The following CPNE4 variants were observed in gnomAD, a reference collection of about 807,000 sequenced individuals.
CPNE4 encodes the protein copine 4.
Under a neutral mutation model 67.9 loss-of-function variants are expected in CPNE4, and 25 were observed. That is an observed-to-expected ratio of 0.37 (90% CI 0.27 to 0.51). The LOEUF (loss-of-function observed/expected upper bound fraction) is 0.51, where lower values mean the gene tolerates loss of function less well. Ranked by LOEUF, CPNE4 falls within the 20% of genes least tolerant of loss-of-function variation. The pLI, the probability that CPNE4 is intolerant of heterozygous loss-of-function variation, is 0.93. For synonymous variants in CPNE4, 242 were observed against 244.9 expected (o/e 0.99, Z 0.11); for missense variants, 464 against 690.8 (o/e 0.67, Z 3.68).
chr3:132,022,567 CA>C (rs764015160), intron 1 of CPNE4, among the ~76,000 whole-genome samples: 1,865 of 38,868 alleles, frequency 0.048, 35 homozygotes, highest in African/African-American at 0.14. Flanking sequence ...AGATGCTATA[CA>C]AAAAAAAAAT....
intron 1 of CPNE4, among the ~76,000 whole-genome samples, chr3:131,962,031 G>A (rs1213959258): frequency 6.6e-6 from 1 of 152,104 alleles, no homozygotes; most frequent in Non-Finnish European, 1.5e-5. Context: ...ACATTTTTGA[G>A]TGCCTAAAAA....
intron 1 of CPNE4, among the ~76,000 whole-genome samples, chr3:132,027,332 T>C (rs963308109): frequency 2.0e-5 from 3 of 152,194 alleles, no homozygotes; most frequent in Non-Finnish European, 4.4e-5. Flanking sequence ...TCTTTTTTCT[T>C]ATCTGGAAAA....
Position 131,542,743 on chromosome 3 carries a change from G to A in CPNE4, c.1353C>T (p.Ala451=), listed in dbSNP as rs141568154. 3.5e-5 allele frequency: 57 copies of A among 1,613,932 alleles called. No homozygotes were observed. The African/African-American group carries it at 5.5e-4, about 15-fold the overall frequency. Reference sequence around the variant, plus strand: ...CATGGACAATGGCCTCCCGGGTGTCGGCCATGTCTGTGATAACACCATCTG... The same window carrying A: ...CATGGACAATGGCCTCCCGGGTGTCAGCCATGTCTGTGATAACACCATCTG... ...ILTDGVITDM[A]DTREAIVHAS... Residue 451 remains alanine (A), a synonymous_variant, in exon 15 of 16, where the codon GCC becomes GCT. Coordinates refer to ENST00000429747, the MANE Select transcript of CPNE4 (RefSeq NM_130808.3).
intron 1 of CPNE4, among the ~76,000 whole-genome samples, chr3:131,993,183 A>G: frequency 7.4e-6 from 1 of 135,600 alleles, no homozygotes; most frequent in Middle Eastern, 3.5e-3. Flanking sequence ...TCCATAAAAA[A>G]TCGTTCTGTT....
chr3:131,645,802 G>T (rs1022449598), intron 7 of CPNE4, among the ~76,000 whole-genome samples: 1 of 152,128 alleles, frequency 6.6e-6, no homozygotes, highest in African/African-American at 2.4e-5. Context: ...AAAGGTAACT[G>T]AGAAGTGGCT....
intron 11 of CPNE4, among the ~76,000 whole-genome samples, chr3:131,557,598 C>A (rs1936529576): frequency 6.6e-6 from 1 of 152,050 alleles, no homozygotes; most frequent in Non-Finnish European, 1.5e-5. Flanking sequence ...TCCCACTTCT[C>A]CTCACTGTTG....
chr3:131,872,123 C>T (rs533070951), intron 2 of CPNE4, among the ~76,000 whole-genome samples: 5 of 151,884 alleles, frequency 3.3e-5, no homozygotes, highest in South Asian at 2.1e-4. Flanking sequence ...ATGTATTTGT[C>T]GGGGTTTTCC....
At chr3:131,619,892 G>A (rs1226469884) in intron 7 of CPNE4, among the ~76,000 whole-genome samples, 1 of 152,190 alleles carries the variant, frequency 6.6e-6, no homozygotes, top group African/African-American at 2.4e-5. Context: ...AGAGAGGAAA[G>A]GGGAGGGATG....
At chr3:131,919,420 G>T (rs2070679749) in intron 1 of CPNE4, among the ~76,000 whole-genome samples, 1 of 152,154 alleles carries the variant, frequency 6.6e-6, no homozygotes, top group African/African-American at 2.4e-5. Context: ...GATAAATCTA[G>T]ACATAATGTT....
chr3:131,844,905 G>A (rs1045217327), intron 2 of CPNE4, among the ~76,000 whole-genome samples: 9 of 152,022 alleles, frequency 5.9e-5, no homozygotes, highest in Non-Finnish European at 1.2e-4. Flanking sequence ...TGTACACTAC[G>A]CAAGATAATA....
intron 9 of CPNE4, among the ~76,000 whole-genome samples, chr3:131,576,547 A>G (rs562323660): frequency 1.3e-5 from 2 of 152,282 alleles, no homozygotes; most frequent in South Asian, 4.1e-4. Flanking sequence ...TACAGTTATG[A>G]TAAGATGCCT....
intron 6 of CPNE4, among the ~76,000 whole-genome samples, chr3:131,682,561 C>A (rs937643975): frequency 6.6e-6 from 1 of 152,150 alleles, no homozygotes; most frequent in Non-Finnish European, 1.5e-5. Context: ...GTGGCTGCCA[C>A]CACTGGACTG....
In CPNE4 at chr3:131,534,191, G is replaced by C. The variant is rs1935014958; in HGVS notation, c.*1004C>G. 6.6e-6 allele frequency: 1 copy of C among 152,244 alleles called. No individual in the cohort carries two copies. The highest frequency in any genetic ancestry group is 2.4e-5 in the African/African-American group (1 of 41,452). 9.4% of individuals were successfully genotyped at this position (152,244 alleles called of 1,614,324 possible). On this transcript the variant is annotated 3_prime_UTR_variant, in exon 16 of 16. Transcript: ENST00000429747. The stretch of plus-strand genomic sequence containing the variant: ...GTGGTGTGTGATGCCACTTTTAAGA[G>C]GGCAGGGACTGGCCAGGAGGAGCAC...
intron 2 of CPNE4, among the ~76,000 whole-genome samples, chr3:131,806,125 C>CTTT (rs2084299787): frequency 6.6e-6 from 1 of 152,230 alleles, no homozygotes; most frequent in South Asian, 2.1e-4. Flanking sequence ...GAAACTTTAT[C>CTTT]TGAGTCTTCC....
intron 1 of CPNE4, among the ~76,000 whole-genome samples, chr3:131,972,052 A>G (rs2072517191): frequency 2.0e-5 from 3 of 152,170 alleles, no homozygotes; most frequent in African/African-American, 7.2e-5. Flanking sequence ...AGAGAAGAAA[A>G]TGTTCATGGC....
chr3:131,940,144 C>G (rs1334779352), intron 1 of CPNE4, among the ~76,000 whole-genome samples: 1 of 152,056 alleles, frequency 6.6e-6, no homozygotes, highest in Non-Finnish European at 1.5e-5. Context: ...ACAACTAATT[C>G]ATGAAATTAA....
At chr3:131,671,672 A>G (rs553053474) in intron 6 of CPNE4, among the ~76,000 whole-genome samples, 45 of 152,276 alleles carry the variant, frequency 3.0e-4, no homozygotes, top group African/African-American at 1.1e-3. Flanking sequence ...ATTCTTGGGA[A>G]CAGGAGAATT....
chr3:131,700,907 T>G (rs2081282588), intron 3 of CPNE4, among the ~76,000 whole-genome samples: 1 of 151,954 alleles, frequency 6.6e-6, no homozygotes, highest in Non-Finnish European at 1.5e-5. Flanking sequence ...TGGAATACTA[T>G]GCAGCCATAA....
chr3:131,748,284 C>T (rs1252165331), intron 2 of CPNE4, among the ~76,000 whole-genome samples: 1 of 151,864 alleles, frequency 6.6e-6, no homozygotes, highest in African/African-American at 2.4e-5. Context: ...TTAAACTAGT[C>T]CTATATCCCT....
Sources: allele counts gnomAD v4.1 joint callset (sites outside exome capture counted in the v4.1 genomes callset), GRCh38; gene constraint gnomAD v4.1.1; transcripts MANE v1.5; gene names NCBI Gene and HGNC (gene_info 2026-07-23, HGNC 2026-07-21).